The following PRKG1 variants were observed in gnomAD, a reference collection of about 807,000 sequenced individuals.
The protein encoded by PRKG1 is protein kinase cGMP-dependent 1.
In PRKG1, 35 loss-of-function variants were observed where a neutral mutation model predicts 88.1. That is an observed-to-expected ratio of 0.40 (90% confidence interval 0.30 to 0.53). PRKG1 has a LOEUF of 0.53. Among genes scored for constraint, PRKG1 ranks in the 20% least tolerant of loss-of-function variants. The probability of loss-of-function intolerance (pLI) is 0.59; values close to 1 mark genes in which losing one functional copy is unlikely to be tolerated. For missense variants in PRKG1, 540 were observed against 839.8 expected, an observed-to-expected ratio of 0.64 and a Z score of 4.41; for synonymous variants, 303 against 292.5, an observed-to-expected ratio of 1.04 and a Z score of -0.37.
rs12772730 is a variant in PRKG1 at position 52,166,809 on chromosome 10, G to A, written c.1076+4846G>A. 2.9e-3 allele frequency among the ~76,000 whole-genome samples: 204 copies of A among 70,138 alleles called. 3 individuals are homozygous for A. Among genetic ancestry groups the A allele is most frequent in the African/African-American group, 0.021 (193 of 9,006 alleles). The allele number at this position is 70,138 out of a possible 152,430, so 46.0% of individuals were successfully genotyped here. On this transcript the variant is annotated intron_variant, in intron 9 of 17. Transcript: ENST00000373980. ...AGCCTATATATATACATATATATAT[G>A]TATATATATGTATATATATGTATAT...
intron 8 of PRKG1, among the ~76,000 whole-genome samples, chr10:52,146,533 C>CTTT (rs1837733024): frequency 1.3e-5 from 2 of 152,048 alleles, no homozygotes; most frequent in Non-Finnish European, 2.9e-5. Context: ...CTTCACATAG[C>CTTT]CAAACTGTCA....
intron 2 of PRKG1, among the ~76,000 whole-genome samples, chr10:51,422,939 C>CACTTG (rs1314941313): frequency 6.7e-6 from 1 of 149,974 alleles, no homozygotes; most frequent in Non-Finnish European, 1.5e-5. Context: ...AAGTATACAG[C>CACTTG]ACTTGATCTC....
chr10:51,081,612 A>G (rs7097311), intron 1 of PRKG1, among the ~76,000 whole-genome samples: 38,331 of 152,130 alleles, frequency 0.25, 5,036 homozygotes, highest in African/African-American at 0.3. Flanking sequence ...AAGGGCAACA[A>G]CTCAGTGCAT....
chr10:52,145,834 G>A (rs1206576857), intron 8 of PRKG1, among the ~76,000 whole-genome samples: 2 of 152,218 alleles, frequency 1.3e-5, no homozygotes, highest in Non-Finnish European at 2.9e-5. Context: ...TAGCATGGAT[G>A]TATGAATTGG....
chr10:51,887,555 C>T (rs1841604077), intron 4 of PRKG1, among the ~76,000 whole-genome samples: 1 of 152,186 alleles, frequency 6.6e-6, no homozygotes, highest in Admixed American at 6.5e-5. Flanking sequence ...AGTTCTAATT[C>T]CTCCACAAGC....
chr10:51,959,495 G>T (rs11000285), intron 5 of PRKG1, among the ~76,000 whole-genome samples: 12,816 of 152,156 alleles, frequency 0.084, 681 homozygotes, highest in South Asian at 0.14. Flanking sequence ...GGTAAGCATT[G>T]CTTAGAGTCT....
chr10:52,047,826 A>G (rs1471065129), intron 5 of PRKG1, among the ~76,000 whole-genome samples: 1 of 152,112 alleles, frequency 6.6e-6, no homozygotes, highest in African/African-American at 2.4e-5. Context: ...CAATATTTTA[A>G]ATAATGTTCT....
intron 5 of PRKG1, among the ~76,000 whole-genome samples, chr10:52,053,590 C>G (rs985253900): frequency 6.6e-6 from 1 of 152,108 alleles, no homozygotes; most frequent in African/African-American, 2.4e-5. Flanking sequence ...TCTGTTAGAC[C>G]GCTTGACCCA....
At chr10:52,167,908 T>C (rs557008210) in intron 9 of PRKG1, among the ~76,000 whole-genome samples, 1 of 152,296 alleles carries the variant, frequency 6.6e-6, no homozygotes, top group South Asian at 2.1e-4. Flanking sequence ...CTTTATTAAC[T>C]TCTTCTCTTG....
Position 51,569,134 on chromosome 10 carries a change from T to C in PRKG1, c.592+101298T>C, listed in dbSNP as rs183538672. On this transcript the variant is annotated intron_variant, in intron 3 of 17. Transcript: ENST00000373980. The stretch of plus-strand genomic sequence containing the variant: ...TTCTTTCTTCTTGTTCAAGCCCATA[T>C]GTGTTTATGTCAGGAGTAAACCAAA... 1.9e-3 allele frequency among the ~76,000 whole-genome samples: 296 copies of C among 152,214 alleles called. 1 individual carries two copies. The highest frequency in any genetic ancestry group is 0.017 in the Admixed American group (259 of 15,262).
chr10:52,027,207 T>C (rs1365775898), intron 5 of PRKG1, among the ~76,000 whole-genome samples: 1 of 152,104 alleles, frequency 6.6e-6, no homozygotes, highest in Admixed American at 6.5e-5. Flanking sequence ...AGTGTACTTG[T>C]TACCTAACCT....
chr10:51,183,867 A>G (rs1185613220), intron 2 of PRKG1, among the ~76,000 whole-genome samples: 2 of 152,192 alleles, frequency 1.3e-5, no homozygotes, highest in African/African-American at 4.8e-5. Context: ...GCAAATCTGT[A>G]GCATGGATAT....
At chr10:52,086,481 T>C (rs900254782) in intron 7 of PRKG1, among the ~76,000 whole-genome samples, 2 of 151,302 alleles carry the variant, frequency 1.3e-5, no homozygotes, top group African/African-American at 4.9e-5. Context: ...CTTGGCTCAC[T>C]GCAACCTCTG....
rs180826049 is a variant in PRKG1 at position 52,283,463 on chromosome 10, C to T, written c.1709+1147C>T. 1.2e-4 allele frequency among the ~76,000 whole-genome samples: 19 copies of T among 152,192 alleles called. No homozygotes were observed. In the East Asian group the frequency reaches 3.1e-3, roughly 25 times the overall value. On this transcript the variant is annotated intron_variant, in intron 14 of 17. Transcript: ENST00000373980. ...ACATGAAACACTTAGAAGAGTGTTTCGCACATAGTAAGCATTCCATGAATG... is the reference window on the plus strand; with the variant it reads ...ACATGAAACACTTAGAAGAGTGTTTTGCACATAGTAAGCATTCCATGAATG...
At chr10:51,272,912 A>G (rs1257798365) in intron 2 of PRKG1, among the ~76,000 whole-genome samples, 1 of 152,164 alleles carries the variant, frequency 6.6e-6, no homozygotes, top group East Asian at 1.9e-4. Context: ...TAATACTGTC[A>G]TGGCTTGTAT....
At chr10:51,781,939 C>G (rs999120487) in intron 3 of PRKG1, among the ~76,000 whole-genome samples, 2 of 151,226 alleles carry the variant, frequency 1.3e-5, no homozygotes, top group Non-Finnish European at 2.9e-5. Context: ...CTTCAGCCCC[C>G]AACACCCATT....
chr10:51,179,893 C>T (rs1837300279), intron 2 of PRKG1, among the ~76,000 whole-genome samples: 1 of 152,038 alleles, frequency 6.6e-6, no homozygotes, highest in African/African-American at 2.4e-5. Flanking sequence ...AATCATAGTC[C>T]CTACTTTGTA....
chr10:51,440,371 C>T (rs770454240), intron 2 of PRKG1, among the ~76,000 whole-genome samples: 2 of 151,822 alleles, frequency 1.3e-5, no homozygotes, highest in Non-Finnish European at 2.9e-5. Context: ...GGGTTACATT[C>T]TCGAAGAGCA....
intron 8 of PRKG1, among the ~76,000 whole-genome samples, chr10:52,148,007 G>C (rs1317739019): frequency 6.6e-6 from 1 of 152,056 alleles, no homozygotes; most frequent in East Asian, 1.9e-4. Flanking sequence ...CATCGGCCTG[G>C]GGATCTGAAC....
Sources: allele counts gnomAD v4.1 joint callset (sites outside exome capture counted in the v4.1 genomes callset), GRCh38; gene constraint gnomAD v4.1.1; transcripts MANE v1.5; gene names NCBI Gene and HGNC (gene_info 2026-07-23, HGNC 2026-07-21).